SLC30A7: variants seen among roughly 807,000 people sequenced by gnomAD.
SLC30A7 encodes the protein solute carrier family 30 member 7.
A neutral mutation model predicts 46.0 loss-of-function variants in SLC30A7; 35 were observed. The ratio of observed to expected loss-of-function variants is 0.76; its 90% confidence interval spans 0.58 to 1.01. The LOEUF (loss-of-function observed/expected upper bound fraction) is 1.01. SLC30A7 is among the 50% of genes least tolerant of loss of function. SLC30A7 has a pLI of 0.00. For synonymous variants in SLC30A7, 147 were observed against 157.8 expected (o/e 0.93, Z 0.51); for missense variants, 464 against 451.1 (o/e 1.03, Z -0.26).
chr1:100,913,563 C>T (rs1652270471), intron 5 of SLC30A7, 100 bp from the exon 6 acceptor site: 2 of 820,130 alleles, frequency 2.4e-6, no homozygotes, highest in South Asian at 3.6e-5. Context: ...TTGAATTGAT[C>T]TGAGTTTAGA....
rs1487683157 is a variant in SLC30A7 at position 100,944,019 on chromosome 1, A to T, written c.843-17809A>T. ...GTTACCTTTTCGGCAGAGGAAAGGGATTAGAAGTGAGACTTTGAATTTTCA... is the reference window on the plus strand; with the variant it reads ...GTTACCTTTTCGGCAGAGGAAAGGGTTTAGAAGTGAGACTTTGAATTTTCA... On this transcript the variant is annotated intron_variant, in intron 8 of 10. Transcript: ENST00000357650. Among the ~76,000 whole-genome samples, 3 of 152,300 alleles carry T rather than the reference A, an allele frequency of 2.0e-5. No homozygotes were observed. In the East Asian group the frequency reaches 5.8e-4, roughly 29 times the overall value.
In SLC30A7 at chr1:100,923,141, C is replaced by T. The variant is rs892137242; in HGVS notation, c.842+1300C>T. ...ACGCCATTCTCCTGCCTCAGCCTCC[C>T]GAGTAGCTGGGACTACAGGCGCCCG... On this transcript the variant is annotated intron_variant, in intron 8 of 10. Coordinates refer to ENST00000357650, the MANE Select transcript of SLC30A7 (RefSeq NM_133496.5). Among the ~76,000 whole-genome samples, 10 of 135,138 alleles carry T rather than the reference C, an allele frequency of 7.4e-5. 1 individual carries two copies. The highest frequency in any genetic ancestry group is 2.4e-4 in the South Asian group (1 of 4,216). 88.7% of individuals were successfully genotyped at this position (135,138 alleles called of 152,430 possible). A position where few individuals can be genotyped will look rare whatever the true frequency, so the allele number is the denominator to read the frequency against.
chr1:100,965,885 G>A lies in SLC30A7; in HGVS notation c.1050G>A (p.Trp350Ter). 1.2e-6 allele frequency: 2 copies of A among 1,613,682 alleles called. No individual in the cohort carries two copies. Among genetic ancestry groups the A allele is most frequent in the Non-Finnish European group, 1.7e-6 (2 of 1,179,858 alleles). Residue 350 changes from tryptophan (W) to a stop codon, truncating the protein, a stop_gained, in exon 10 of 11, where the codon TGG (tryptophan) becomes TGA (stop). Transcript: ENST00000357650. LOFTEE classifies it high-confidence loss of function. ...LIVAPDADAR[W>*]ILSQTHNIFT... is the part of the protein sequence containing the mutation. ...TAGCACCTGATGCTGATGCTAGGTG[G>A]ATTTTAAGCCAAACACATAATATTT...
downstream of SLC30A7, among the ~76,000 whole-genome samples, chr1:100,986,585 C>T (rs1558024678): frequency 6.6e-6 from 1 of 152,154 alleles, no homozygotes. Flanking sequence ...TAGGTGCACA[C>T]TTAACCATGT....
chr1:100,943,933 C>G (rs1270473811), intron 8 of SLC30A7, among the ~76,000 whole-genome samples: 1 of 152,076 alleles, frequency 6.6e-6, no homozygotes, highest in East Asian at 1.9e-4. Context: ...TGCATATAAT[C>G]TAAATGTTTT....
At chr1:100,932,628 A>G (rs990732668) in intron 8 of SLC30A7, among the ~76,000 whole-genome samples, 2 of 152,156 alleles carry the variant, frequency 1.3e-5, no homozygotes, top group Non-Finnish European at 2.9e-5. Flanking sequence ...ATGCCTTATC[A>G]TTGTTTGATA....
the SLC30A7 span, among the ~76,000 whole-genome samples, chr1:100,991,788 C>CTAAAAAAAAAAA: frequency 9.9e-6 from 1 of 101,066 alleles, no homozygotes; most frequent in Non-Finnish European, 2.0e-5. Context: ...GACCCCATCT[C>CTAAAAAAAAAAA]AAAAAAAAAA....
At chr1:100,931,205 G>T (rs1176403981) in intron 8 of SLC30A7, among the ~76,000 whole-genome samples, 4 of 152,126 alleles carry the variant, frequency 2.6e-5, no homozygotes, top group Admixed American at 2.6e-4. Flanking sequence ...TGAAACATCT[G>T]CTTTGTCCTC....
intron 8 of SLC30A7, among the ~76,000 whole-genome samples, chr1:100,954,901 A>T (rs190615007): frequency 6.6e-6 from 1 of 152,194 alleles, no homozygotes; most frequent in Non-Finnish European, 1.5e-5. Flanking sequence ...TGAAAATATG[A>T]TATACAACAT....
At chr1:100,959,856 T>C (rs1655440711) in intron 8 of SLC30A7, among the ~76,000 whole-genome samples, 5 of 152,308 alleles carry the variant, frequency 3.3e-5, no homozygotes, top group Non-Finnish European at 4.4e-5. Flanking sequence ...TTACGTGGAC[T>C]TGAGGAAATA....
chr1:100,910,976 T>G, intron 3 of SLC30A7, 87 bp from the exon 4 acceptor site: 2 of 1,048,956 alleles, frequency 1.9e-6, no homozygotes, highest in Non-Finnish European at 2.9e-6. Context: ...TGTAATATGG[T>G]TTGGAATCTC....
chr1:100,953,068 T>C lies in SLC30A7; in HGVS notation c.843-8760T>C, dbSNP rs1267189236. On this transcript the variant is annotated intron_variant, in intron 8 of 10. Transcript: ENST00000357650. ...AGTGAGTTCTCATGAGATCTGATGA[T>C]TTAAAAGTGTGTGGCACTTCCTCCT... Among the ~76,000 whole-genome samples, 4 of 128,866 alleles carry C rather than the reference T, an allele frequency of 3.1e-5. No individual in the cohort carries two copies. In the East Asian group the frequency reaches 8.4e-4, roughly 27 times the overall value. The allele number at this position is 128,866 out of a possible 152,430, so 84.5% of individuals were successfully genotyped here. A position where few individuals can be genotyped will look rare whatever the true frequency, so the allele number is the denominator to read the frequency against.
chr1:100,964,227 TTATATA>T (rs995643818), intron 9 of SLC30A7, among the ~76,000 whole-genome samples: 1 of 141,254 alleles, frequency 7.1e-6, no homozygotes, highest in Admixed American at 6.9e-5. Flanking sequence ...ACTAATTGTT[TTATATA>T]TATATATGTA....
the SLC30A7 span, among the ~76,000 whole-genome samples, chr1:100,989,092 C>T: frequency 2.0e-5 from 3 of 151,984 alleles, no homozygotes; most frequent in Non-Finnish European, 2.9e-5. Context: ...TATAAGAAAG[C>T]TATTTCTATT....
At chr1:100,923,825 TTTC>T (rs748734934) in intron 8 of SLC30A7, among the ~76,000 whole-genome samples, 6 of 152,152 alleles carry the variant, frequency 3.9e-5, no homozygotes, top group Admixed American at 6.5e-5. Context: ...TGAAATGCCT[TTTC>T]TTCTTCTTTG....
chr1:100,961,682 A>G, intron 8 of SLC30A7, 146 bp from the exon 9 acceptor site: 1 of 445,502 alleles, frequency 2.2e-6, no homozygotes, highest in Non-Finnish European at 4.0e-6. Context: ...TGGAAAATCT[A>G]AAACAATGAC....
chr1:100,973,169 TC>T (rs1656253183), intron 10 of SLC30A7, among the ~76,000 whole-genome samples: 1 of 152,090 alleles, frequency 6.6e-6, no homozygotes, highest in East Asian at 1.9e-4. Context: ...AGTTCCTGAA[TC>T]CTTTCAAGCA....
chr1:100,928,459 T>TC (rs919119598), intron 8 of SLC30A7, among the ~76,000 whole-genome samples: 14 of 152,182 alleles, frequency 9.2e-5, no homozygotes, highest in Non-Finnish European at 1.3e-4. Flanking sequence ...TAAAAGTAGT[T>TC]TTTTTAATTA....
intron 6 of SLC30A7, among the ~76,000 whole-genome samples, chr1:100,915,842 C>T (rs1232492231): frequency 6.6e-6 from 1 of 152,092 alleles, no homozygotes; most frequent in African/African-American, 2.4e-5. Flanking sequence ...TTTGAGGACC[C>T]TCCATACTGT....
Sources: allele counts gnomAD v4.1 joint callset (sites outside exome capture counted in the v4.1 genomes callset), GRCh38; gene constraint gnomAD v4.1.1; transcripts MANE v1.5; gene names NCBI Gene and HGNC (gene_info 2026-07-23, HGNC 2026-07-21).